IMPACT: variants seen among roughly 807,000 people sequenced by gnomAD.
The protein encoded by IMPACT is impact RWD domain protein.
IMPACT carries 35 observed loss-of-function variants against 47.5 expected under a neutral mutation model. That is an observed-to-expected ratio of 0.74 (90% CI 0.56 to 0.98). The LOEUF (loss-of-function observed/expected upper bound fraction) is 0.98, where lower values mean the gene tolerates loss of function less well. Ranked by LOEUF, IMPACT falls within the 50% of genes least tolerant of loss-of-function variation. The pLI is 0.00. For missense variants in IMPACT, 373 were observed against 394.8 expected, an observed-to-expected ratio of 0.94 and a Z score of 0.47; for synonymous variants, 118 against 125.6, an observed-to-expected ratio of 0.94 and a Z score of 0.40.
Position 24,426,786 on chromosome 18 carries a change from G to A in IMPACT, c.30G>A (p.Gln10=). 8.1e-7 allele frequency: 1 copy of A among 1,240,434 alleles called. No homozygotes were observed. The highest frequency in any genetic ancestry group is 1.0e-6 in the Non-Finnish European group (1 of 989,052). The allele number at this position is 1,240,434 out of a possible 1,614,324, so 76.8% of individuals were successfully genotyped here. A position where few individuals can be genotyped will look rare whatever the true frequency, so the allele number is the denominator to read the frequency against. MAEGDAGSD[Q]RQNEEIEAMA... ...CTGAGGGGGACGCAGGGAGCGACCAGAGGCAGGTGAGGCCCCGGCGGGGTG... is the reference window on the plus strand; with the variant it reads ...CTGAGGGGGACGCAGGGAGCGACCAAAGGCAGGTGAGGCCCCGGCGGGGTG... The change falls in exon 1 of 11, where the codon CAG becomes CAA. Residue 10 remains glutamine (Q), a synonymous_variant. Coordinates refer to ENST00000284202, the MANE Select transcript of IMPACT (RefSeq NM_018439.4).
intron 4 of IMPACT, among the ~76,000 whole-genome samples, chr18:24,435,054 G>C (rs1223482355): frequency 6.6e-6 from 1 of 150,828 alleles, no homozygotes; most frequent in Non-Finnish European, 1.5e-5. Context: ...GTTCACTGTA[G>C]CCTTGACCTC....
At chr18:24,444,324 T>C (rs1909194631) in intron 7 of IMPACT, among the ~76,000 whole-genome samples, 1 of 152,194 alleles carries the variant, frequency 6.6e-6, no homozygotes, top group Non-Finnish European at 1.5e-5. Context: ...ATTTTATTGA[T>C]CAGAATTTGA....
chr18:24,430,116 T>A lies in IMPACT; in HGVS notation c.219-206T>A, dbSNP rs369771566. ...TAAAACAGGGTAATTTTGGTGTGGG[T>A]TTTGTTTTTGTCATGGTTTCTTGGG... On this transcript the variant is annotated intron_variant, in intron 3 of 10. Coordinates refer to ENST00000284202, the MANE Select transcript of IMPACT (RefSeq NM_018439.4). Among the ~76,000 whole-genome samples the A allele has an allele frequency of 1.1e-4, 16 of 152,252 alleles. No homozygotes were observed. In the East Asian group the frequency reaches 3.1e-3, roughly 29 times the overall value.
At chr18:24,449,108 C>T (rs1182258538) in intron 9 of IMPACT, among the ~76,000 whole-genome samples, 1 of 152,184 alleles carries the variant, frequency 6.6e-6, no homozygotes, top group Non-Finnish European at 1.5e-5. Context: ...CACCTGTAAC[C>T]CTAGCACTTT....
intron 6 of IMPACT, 33 bp downstream of exon 6, chr18:24,440,651 G>C: frequency 6.4e-7 from 1 of 1,571,896 alleles, no homozygotes; most frequent in East Asian, 2.3e-5. Context: ...CTTTTGAGGA[G>C]AGTGGGTTGG....
At chr18:24,449,685 T>C (rs2144351042) in intron 9 of IMPACT, 134 bp from the exon 10 acceptor site, 6 of 700,336 alleles carry the variant, frequency 8.6e-6, no homozygotes, top group Non-Finnish European at 4.9e-6. Flanking sequence ...TACTCACTCA[T>C]ATGGCTCTAC....
intron 4 of IMPACT, among the ~76,000 whole-genome samples, chr18:24,432,045 C>T (rs866100069): frequency 6.6e-6 from 1 of 151,862 alleles, no homozygotes; most frequent in African/African-American, 2.4e-5. Flanking sequence ...ACTGATGGAG[C>T]CTTGGTTTGT....
chr18:24,442,811 A>AC (rs1267843190), intron 6 of IMPACT, among the ~76,000 whole-genome samples: 6 of 152,216 alleles, frequency 3.9e-5, no homozygotes, highest in Non-Finnish European at 8.8e-5. Context: ...CCCCTGGGTA[A>AC]CCTTGGCAGG....
chr18:24,426,969 C>A, intron 1 of IMPACT, 177 bp downstream of exon 1: 1 of 437,538 alleles, frequency 2.3e-6, no homozygotes. Context: ...GCCGAGCGCT[C>A]TTAGGCCGGC....
Position 24,427,735 on chromosome 18 carries a change from C to G in IMPACT, c.37-184C>G, listed in dbSNP as rs1908649595. 1.3e-5 allele frequency: 7 copies of G among 556,818 alleles called. No individual in the cohort carries two copies. In the South Asian group the frequency reaches 1.8e-4, roughly 14 times the overall value. 34.5% of individuals were successfully genotyped at this position (556,818 alleles called of 1,614,324 possible). A position where few individuals can be genotyped will look rare whatever the true frequency, so the allele number is the denominator to read the frequency against. ...CTGGCTCCAGTCATTGCAGTAGCGCCTAGCAACCACCCAGAGAGCAGAACA... is the reference window on the plus strand; with the variant it reads ...CTGGCTCCAGTCATTGCAGTAGCGCGTAGCAACCACCCAGAGAGCAGAACA... On this transcript the variant is annotated intron_variant, in intron 1 of 10. Coordinates refer to ENST00000284202, the MANE Select transcript of IMPACT (RefSeq NM_018439.4).
At chr18:24,426,832 C>T (rs1036888247) in intron 1 of IMPACT, 40 bp downstream of exon 1, 4 of 1,227,458 alleles carry the variant, frequency 3.3e-6, no homozygotes, top group African/African-American at 3.1e-5. Flanking sequence ...AGGCTCGGCT[C>T]CGGCTCGCCT....
At chr18:24,443,315 T>A (rs1156645689) in intron 7 of IMPACT, among the ~76,000 whole-genome samples, 163 bp downstream of exon 7, 6 of 152,168 alleles carry the variant, frequency 3.9e-5, no homozygotes, top group African/African-American at 1.4e-4. Context: ...CACGGAAGAT[T>A]TGTTTTGTTT....
intron 7 of IMPACT, among the ~76,000 whole-genome samples, chr18:24,443,922 A>G (rs1013783382): frequency 5.9e-5 from 9 of 152,300 alleles, no homozygotes; most frequent in Non-Finnish European, 7.4e-5. Flanking sequence ...GTAAAGTTAC[A>G]TTTTTAAAAA....
intron 4 of IMPACT, among the ~76,000 whole-genome samples, chr18:24,434,458 A>C (rs913639039): frequency 6.6e-6 from 1 of 152,054 alleles, no homozygotes; most frequent in African/African-American, 2.4e-5. Flanking sequence ...AATGGAGAAG[A>C]AGGTCAGTTA....
chr18:24,429,044 C>T (rs1303454399), intron 3 of IMPACT, 123 bp downstream of exon 3: 5 of 597,642 alleles, frequency 8.4e-6, no homozygotes, highest in Non-Finnish European at 1.1e-5. Flanking sequence ...ATTAAAAATA[C>T]CTTTTGGGTT....
intron 5 of IMPACT, among the ~76,000 whole-genome samples, chr18:24,439,099 TA>T (rs1909023801): frequency 6.6e-6 from 1 of 152,172 alleles, no homozygotes; most frequent in Admixed American, 6.5e-5. Context: ...GTCAGTCTTT[TA>T]ATGTTAAGGC....
At chr18:24,437,836 T>TA in intron 4 of IMPACT, 119 bp from the exon 5 acceptor site, 1 of 607,390 alleles carries the variant, frequency 1.6e-6, no homozygotes, top group Non-Finnish European at 2.9e-6. Context: ...TAAATTATTT[T>TA]AAAAAAGAAA....
rs749696876 is a variant in IMPACT, at chr18:24,445,384, G to A, written c.595-9G>A. The stretch of plus-strand genomic sequence containing the variant: ...AAGCATACTTATTTATATTATTGCT[G>A]TTTTTAAGGTGAAAATGGTTCTTTC... On this transcript the variant is annotated splice_polypyrimidine_tract_variant and intron_variant, in intron 7 of 10. Transcript: ENST00000284202. 6.5e-7 allele frequency: 1 copy of A among 1,532,880 alleles called. No individual in the cohort carries two copies. The highest frequency in any genetic ancestry group is 1.9e-5 in the Admixed American group (1 of 53,220). 95.0% of individuals were successfully genotyped at this position (1,532,880 alleles called of 1,614,324 possible).
intron 7 of IMPACT, among the ~76,000 whole-genome samples, chr18:24,445,098 T>C (rs943865798): frequency 1.3e-5 from 2 of 152,252 alleles, no homozygotes; most frequent in African/African-American, 4.8e-5. Flanking sequence ...TTTTATATGA[T>C]ACATTTAAAA....
Sources: allele counts gnomAD v4.1 joint callset (sites outside exome capture counted in the v4.1 genomes callset), GRCh38; gene constraint gnomAD v4.1.1; transcripts MANE v1.5; gene names NCBI Gene and HGNC (gene_info 2026-07-23, HGNC 2026-07-21).